Variants in RBFOX1 observed in about 807,000 individuals in gnomAD.
RBFOX1 encodes RNA binding fox-1 homolog 1.
In RBFOX1, 8 loss-of-function variants were observed where a neutral mutation model predicts 57.7. The observed-to-expected ratio is 0.14, with a 90% CI of 0.08 to 0.25. The LOEUF (loss-of-function observed/expected upper bound fraction) is 0.25. Ranked by LOEUF, RBFOX1 falls within the 10% of genes least tolerant of loss-of-function variation. The probability of loss-of-function intolerance (pLI) is 1.00; values close to 1 mark genes in which losing one functional copy is unlikely to be tolerated. For synonymous variants in RBFOX1, 326 were observed against 222.4 expected, an observed-to-expected ratio of 1.47 and a Z score of -4.15; for missense variants, 611 against 548.5, an observed-to-expected ratio of 1.11 and a Z score of -1.14.
chr16:7,221,289 A>G (rs757439746), intron 4 of RBFOX1, among the ~76,000 whole-genome samples: 2 of 152,208 alleles, frequency 1.3e-5, no homozygotes, highest in Non-Finnish European at 2.9e-5. Flanking sequence ...TGATTTGGCT[A>G]GATTATAAAA....
At chr16:5,519,478 C>G (rs2043927618) in intron 2 of RBFOX1, among the ~76,000 whole-genome samples, 1 of 152,176 alleles carries the variant, frequency 6.6e-6, no homozygotes, top group African/African-American at 2.4e-5. Flanking sequence ...AATCCCAGTG[C>G]TCTGGGAAGC....
Position 6,616,503 on chromosome 16 carries a change from C to T in RBFOX1, c.-63-38100C>T, listed in dbSNP as rs187731811. Among the ~76,000 whole-genome samples, 495 of 152,122 alleles carry T rather than the reference C, an allele frequency of 3.3e-3. 6 individuals are homozygous for T. Among genetic ancestry groups the T allele is most frequent in the African/African-American group, 0.011 (453 of 41,516 alleles). Reference sequence around the variant, plus strand: ...CATCCTGGCTAACAAGGTGAAACCCCGACTCTACTAAAAATACAAAAAATT... The same window carrying T: ...CATCCTGGCTAACAAGGTGAAACCCTGACTCTACTAAAAATACAAAAAATT... On this transcript the variant is annotated intron_variant, in intron 2 of 15. Coordinates refer to ENST00000550418, the MANE Select transcript of RBFOX1 (RefSeq NM_018723.4).
chr16:5,338,363 G>T (rs2064951097), intron 1 of RBFOX1, among the ~76,000 whole-genome samples: 4 of 152,128 alleles, frequency 2.6e-5, no homozygotes, highest in African/African-American at 9.7e-5. Context: ...AATCTTTGCT[G>T]TTGCCTGTCT....
In RBFOX1 at chr16:7,159,599, C is replaced by T. The variant is rs189608162; in HGVS notation, c.27+107501C>T. On this transcript the variant is annotated intron_variant, in intron 4 of 15. Coordinates refer to ENST00000550418, the MANE Select transcript of RBFOX1 (RefSeq NM_018723.4). ...CACTTTTTCAGTGATCTCTCTACTC[C>T]GCTATAGCTTCAGTCATCTCCCGCT... Among the ~76,000 whole-genome samples the T allele has an allele frequency of 5.9e-5, 9 of 152,240 alleles. No individual in the cohort carries two copies. The East Asian group carries it at 1.4e-3, about 23-fold the overall frequency.
At chr16:5,281,542 C>G (rs531963362) in intron 1 of RBFOX1, among the ~76,000 whole-genome samples, 1 of 152,244 alleles carries the variant, frequency 6.6e-6, no homozygotes, top group South Asian at 2.1e-4. Flanking sequence ...GCTCAACTAT[C>G]ATTATATTGG....
chr16:7,686,036 A>G (rs1440636943), intron 14 of RBFOX1, among the ~76,000 whole-genome samples: 1 of 152,064 alleles, frequency 6.6e-6, no homozygotes, highest in Non-Finnish European at 1.5e-5. Context: ...AAGTGGGATT[A>G]ATGGATGACC....
At chr16:5,400,030 T>A (rs1439542693) in intron 1 of RBFOX1, among the ~76,000 whole-genome samples, 3 of 152,114 alleles carry the variant, frequency 2.0e-5, no homozygotes, top group Non-Finnish European at 2.9e-5. Context: ...CAGGTACTCA[T>A]CACCTGGAGC....
At chr16:7,154,140 T>G (rs1346330807) in intron 4 of RBFOX1, among the ~76,000 whole-genome samples, 1 of 152,206 alleles carries the variant, frequency 6.6e-6, no homozygotes, top group Non-Finnish European at 1.5e-5. Context: ...ACATCATAGT[T>G]CATCATCCAA....
At chr16:6,126,511 C>T (rs114276336) in intron 1 of RBFOX1, among the ~76,000 whole-genome samples, 2,407 of 152,132 alleles carry the variant, frequency 0.016, 67 homozygotes, top group African/African-American at 0.054. Context: ...TGTAATATGC[C>T]GAAGATCACA....
intron 2 of RBFOX1, among the ~76,000 whole-genome samples, chr16:5,528,191 C>G (rs915130722): frequency 6.6e-6 from 1 of 152,124 alleles, no homozygotes; most frequent in Non-Finnish European, 1.5e-5. Flanking sequence ...GAGACATTCC[C>G]GTGAGCTTCC....
Position 7,292,246 on chromosome 16 carries a change from T to TATATCATATATCATATATC in RBFOX1, c.28-225897_28-225896insCATATATCATATATCATAT, listed in dbSNP as rs747339632. Among the ~76,000 whole-genome samples the TATATCATATATCATATATC allele has an allele frequency of 2.1e-5, 2 of 96,016 alleles. 1 individual carries two copies. The highest frequency in any genetic ancestry group is 3.8e-5 in the Non-Finnish European group (2 of 53,178). The allele number at this position is 96,016 out of a possible 152,430, so 63.0% of individuals were successfully genotyped here. On this transcript the variant is annotated intron_variant, in intron 4 of 15. Transcript: ENST00000550418. The stretch of plus-strand genomic sequence containing the variant: ...ATGATATAGAACGTATTATATATCA[T>TATATCATATATCATATATC]ATATATGATATATGATATAGAACGT...
At chr16:7,162,015 C>T (rs763973906) in intron 4 of RBFOX1, among the ~76,000 whole-genome samples, 3 of 152,134 alleles carry the variant, frequency 2.0e-5, no homozygotes, top group Non-Finnish European at 4.4e-5. Flanking sequence ...AAGGTTTTCC[C>T]ACTGGGGCTG....
Position 7,340,749 on chromosome 16 carries a change from C to T in RBFOX1, c.28-177398C>T, listed in dbSNP as rs545091164. Among the ~76,000 whole-genome samples, 5 of 152,260 alleles carry T rather than the reference C, an allele frequency of 3.3e-5. No individual in the cohort carries two copies. In the East Asian group the frequency reaches 5.8e-4, roughly 18 times the overall value. On this transcript the variant is annotated intron_variant, in intron 4 of 15. Transcript: ENST00000550418. ...AGACCTCCCATCATTCCAAAGCACT[C>T]GAAGATGCTAGTGACTTGTCCTATT...
intron 1 of RBFOX1, among the ~76,000 whole-genome samples, chr16:5,350,791 G>A (rs945135561): frequency 3.3e-5 from 5 of 152,152 alleles, no homozygotes; most frequent in African/African-American, 9.7e-5. Context: ...ACTTGAACCC[G>A]GAGGCGGAGG....
At chr16:5,261,549 G>GTTT (rs4047465) in intron 1 of RBFOX1, among the ~76,000 whole-genome samples, 17 of 120,498 alleles carry the variant, frequency 1.4e-4, no homozygotes, top group South Asian at 2.7e-4. Flanking sequence ...TGTGTGTATG[G>GTTT]TTTTTTTTTT....
At chr16:5,835,106 G>A (rs1437924743) in intron 3 of RBFOX1, among the ~76,000 whole-genome samples, 2 of 152,108 alleles carry the variant, frequency 1.3e-5, no homozygotes, top group Non-Finnish European at 1.5e-5. Flanking sequence ...TGACACATCT[G>A]TGTCATTATA....
chr16:5,918,692 T>A (rs544753236), intron 4 of RBFOX1, among the ~76,000 whole-genome samples: 2 of 152,198 alleles, frequency 1.3e-5, no homozygotes, highest in Non-Finnish European at 2.9e-5. Context: ...TTAACCAAGA[T>A]GTTACTCCAG....
chr16:6,158,541 C>A (rs2096854836), intron 1 of RBFOX1, among the ~76,000 whole-genome samples: 1 of 152,116 alleles, frequency 6.6e-6, no homozygotes, highest in African/African-American at 2.4e-5. Flanking sequence ...AACTTACTGT[C>A]ATTTTAGCCG....
chr16:6,690,401 C>G (rs1448159684), intron 3 of RBFOX1, among the ~76,000 whole-genome samples: 1 of 151,686 alleles, frequency 6.6e-6, no homozygotes, highest in African/African-American at 2.4e-5. Context: ...ATATAAAGGG[C>G]CATCACACTT....
Sources: allele counts gnomAD v4.1 joint callset (sites outside exome capture counted in the v4.1 genomes callset), GRCh38; gene constraint gnomAD v4.1.1; transcripts MANE v1.5; gene names NCBI Gene and HGNC (gene_info 2026-07-23, HGNC 2026-07-21).